Variants in ITGA8 observed in about 807,000 individuals in gnomAD.
ITGA8 encodes integrin alpha-8.
A neutral mutation model predicts 142.3 loss-of-function variants in ITGA8; 91 were observed. The observed-to-expected ratio is 0.64, with a 90% CI of 0.54 to 0.76. The LOEUF (loss-of-function observed/expected upper bound fraction) is 0.76, where lower values mean the gene tolerates loss of function less well. Ranked by LOEUF, ITGA8 falls within the 30% of genes least tolerant of loss-of-function variation. The probability of loss-of-function intolerance (pLI) is 0.00; values close to 1 mark genes in which losing one functional copy is unlikely to be tolerated. For missense variants in ITGA8, 1,406 were observed against 1,327.7 expected (o/e 1.06, Z -0.92); for synonymous variants, 505 against 485.2 (o/e 1.04, Z -0.54).
intron 8 of ITGA8, among the ~76,000 whole-genome samples, chr10:15,667,255 AT>A (rs1834413467): frequency 6.6e-6 from 1 of 152,078 alleles, no homozygotes; most frequent in Admixed American, 6.6e-5. Flanking sequence ...GGGATGATGT[AT>A]GTGTTGAGGA....
intron 27 of ITGA8, among the ~76,000 whole-genome samples, chr10:15,535,398 C>T (rs1259951355): frequency 6.6e-6 from 1 of 152,186 alleles, no homozygotes; most frequent in Admixed American, 6.5e-5. Context: ...CAGCTGGGCT[C>T]CTGACTGGTA....
rs909081238 is a variant in ITGA8 at position 15,514,500 on chromosome 10, A to G, written c.*2658T>C. On this transcript the variant is annotated 3_prime_UTR_variant, in exon 30 of 30. Coordinates refer to ENST00000378076, the MANE Select transcript of ITGA8 (RefSeq NM_003638.3). ...CTGCAACCTCCGCCTCCTGGGTTCA[A>G]GCGATTCTCTCTCTGCCTCAGCCTC... The G allele has an allele frequency of 6.6e-6, 1 of 152,156 alleles. No individual in the cohort carries two copies. Among genetic ancestry groups the G allele is most frequent in the Non-Finnish European group, 1.5e-5 (1 of 68,110 alleles). 9.4% of individuals were successfully genotyped at this position (152,156 alleles called of 1,614,324 possible).
chr10:15,530,351 G>T (rs1381327994), intron 28 of ITGA8, among the ~76,000 whole-genome samples: 1 of 151,974 alleles, frequency 6.6e-6, no homozygotes, highest in African/African-American at 2.4e-5. Flanking sequence ...TTCGAGATCA[G>T]CCTGGCCAAC....
chr10:15,549,359 C>T (rs906699380), intron 26 of ITGA8, among the ~76,000 whole-genome samples: 4 of 151,720 alleles, frequency 2.6e-5, no homozygotes, highest in East Asian at 1.9e-4. Flanking sequence ...TATAGGCACC[C>T]GCCATCATGC....
At chr10:15,694,322 T>G (rs375099157) in intron 2 of ITGA8, among the ~76,000 whole-genome samples, 3 of 11,926 alleles carry the variant, frequency 2.5e-4, no homozygotes, top group Non-Finnish European at 8.2e-4. Context: ...ATCATATATA[T>G]GATAATATAT....
chr10:15,594,459 A>T (rs1010441794), intron 21 of ITGA8, among the ~76,000 whole-genome samples: 8 of 152,050 alleles, frequency 5.3e-5, no homozygotes, highest in African/African-American at 1.9e-4. Flanking sequence ...CTAGCTTAGA[A>T]CCTGGCATAT....
intron 8 of ITGA8, among the ~76,000 whole-genome samples, chr10:15,664,142 C>A (rs1415364243): frequency 6.6e-6 from 1 of 152,118 alleles, no homozygotes; most frequent in Non-Finnish European, 1.5e-5. Context: ...AGCTCATCAT[C>A]CTTATTTTAG....
At chr10:15,693,305 C>G (rs1422674419) in intron 2 of ITGA8, among the ~76,000 whole-genome samples, 1 of 152,044 alleles carries the variant, frequency 6.6e-6, no homozygotes, top group Non-Finnish European at 1.5e-5. Context: ...ACAAAATAAA[C>G]TTTTTATTCC....
At chr10:15,697,577 T>C (rs1835080781) in intron 2 of ITGA8, among the ~76,000 whole-genome samples, 1 of 152,234 alleles carries the variant, frequency 6.6e-6, no homozygotes, top group Non-Finnish European at 1.5e-5. Context: ...GCAAACTGTA[T>C]AATCTTTGTC....
intron 4 of ITGA8, among the ~76,000 whole-genome samples, chr10:15,682,997 A>C (rs1201595760): frequency 1.3e-5 from 2 of 152,070 alleles, no homozygotes; most frequent in East Asian, 3.9e-4. Flanking sequence ...TCCCTACATT[A>C]ATCCTGAAAT....
chr10:15,588,353 G>A (rs567296322), intron 22 of ITGA8, among the ~76,000 whole-genome samples: 239 of 152,176 alleles, frequency 1.6e-3, no homozygotes, highest in African/African-American at 5.5e-3. Context: ...ATGGAGCATC[G>A]CCACTAAACC....
At chr10:15,649,365 T>C (rs1411031710) in intron 11 of ITGA8, among the ~76,000 whole-genome samples, 3 of 151,984 alleles carry the variant, frequency 2.0e-5, no homozygotes, top group Non-Finnish European at 4.4e-5. Flanking sequence ...TCACAGTGGC[T>C]CATGCCTGTG....
At chr10:15,598,608 G>T (rs1275872937) in intron 20 of ITGA8, among the ~76,000 whole-genome samples, 4 of 152,186 alleles carry the variant, frequency 2.6e-5, no homozygotes, top group African/African-American at 9.7e-5. Flanking sequence ...TGGACACAAA[G>T]TAAGTGATGG....
At chr10:15,664,345 T>C (rs1834345009) in intron 8 of ITGA8, among the ~76,000 whole-genome samples, 1 of 152,162 alleles carries the variant, frequency 6.6e-6, no homozygotes, top group Middle Eastern at 3.2e-3. Flanking sequence ...TGAATTAGTT[T>C]GTACCTAAAA....
At chr10:15,623,678 TCCA>T (rs2131626393) in intron 13 of ITGA8, among the ~76,000 whole-genome samples, 1 of 152,148 alleles carries the variant, frequency 6.6e-6, no homozygotes, top group East Asian at 1.9e-4. Flanking sequence ...AGAGTGAGAC[TCCA>T]TCTCAATAAA....
intron 23 of ITGA8, among the ~76,000 whole-genome samples, chr10:15,576,113 G>T (rs1834291270): frequency 6.6e-6 from 1 of 152,054 alleles, no homozygotes; most frequent in South Asian, 2.1e-4. Flanking sequence ...CTTGTTGAAG[G>T]CATCAGAGTG....
chr10:15,668,820 T>G (rs111361895), intron 8 of ITGA8, among the ~76,000 whole-genome samples: 1,975 of 152,346 alleles, frequency 0.013, 30 homozygotes, highest in African/African-American at 0.044. Flanking sequence ...TTGAAAATTC[T>G]TTTCTTTAAG....
chr10:15,694,595 G>T (rs1835012087), intron 2 of ITGA8, among the ~76,000 whole-genome samples: 5 of 121,874 alleles, frequency 4.1e-5, no homozygotes, highest in Admixed American at 9.1e-5. Flanking sequence ...ATATAAAATG[G>T]ATATATAATA....
intron 24 of ITGA8, 48 bp downstream of exon 24, chr10:15,575,441 A>C (rs746283864): frequency 8.1e-7 from 1 of 1,227,906 alleles, no homozygotes; most frequent in Non-Finnish European, 1.2e-6. Context: ...ATTTGCACAG[A>C]GCTTAAGAAT....
Sources: allele counts gnomAD v4.1 joint callset (sites outside exome capture counted in the v4.1 genomes callset), GRCh38; gene constraint gnomAD v4.1.1; transcripts MANE v1.5; gene names NCBI Gene and HGNC (gene_info 2026-07-23, HGNC 2026-07-21).